Variants in ADAMTS18 observed in about 807,000 individuals in gnomAD.
ADAMTS18 encodes ADAM metallopeptidase with thrombospondin type 1 motif 18.
ADAMTS18 carries 157 observed loss-of-function variants against 165.9 expected under a neutral mutation model. The ratio of observed to expected loss-of-function variants is 0.95; its 90% CI spans 0.83 to 1.08. The LOEUF is 1.08. Among genes scored for constraint, ADAMTS18 ranks in the 50% least tolerant of loss-of-function variants. The pLI, the probability that ADAMTS18 is intolerant of heterozygous loss-of-function variation, is 0.00. For missense variants in ADAMTS18, 2,040 were observed against 1,534.0 expected (o/e 1.33, Z -5.51); for synonymous variants, 782 against 578.2 (o/e 1.35, Z -5.06).
rs1432111632 is a variant in ADAMTS18 at position 77,434,478 on chromosome 16, C to T, written c.118G>A (p.Ala40Thr). 1.3e-6 allele frequency: 2 copies of T among 1,569,202 alleles called. No individual in the cohort carries two copies. The highest frequency in any genetic ancestry group is 1.7e-6 in the Non-Finnish European group (2 of 1,162,252). The change falls in exon 2 of 23, where the codon GCG becomes ACG. Residue 40 changes from alanine to threonine, a missense_variant. Transcript: ENST00000282849. ...KALQLCCLCC[A>T]SVAAALASDS... ...CTGGCTAAGGCCGCGGCGACCGACG[C>T]ACAGCAGAGGCAGCACAGCTGGAGC...
At chr16:77,313,305 C>T (rs983966109) in intron 16 of ADAMTS18, among the ~76,000 whole-genome samples, 1 of 151,164 alleles carries the variant, frequency 6.6e-6, no homozygotes, top group African/African-American at 2.4e-5. Context: ...CGGGTGGGGG[C>T]AGGGGGGAAG....
intron 12 of ADAMTS18, among the ~76,000 whole-genome samples, chr16:77,334,779 G>GTATA (rs1567492028): frequency 1.0e-4 from 10 of 99,248 alleles, no homozygotes; most frequent in East Asian, 3.7e-4. Flanking sequence ...ATATACTATA[G>GTATA]TATACAGTAA....
intron 13 of ADAMTS18, among the ~76,000 whole-genome samples, 170 bp downstream of exon 13, chr16:77,325,696 A>T (rs1284806524): frequency 6.6e-6 from 1 of 151,544 alleles, no homozygotes; most frequent in Non-Finnish European, 1.5e-5. Flanking sequence ...AAAAAACAAC[A>T]GTGGAAAAAT....
At chr16:77,387,184 T>C (rs1049423695) in intron 3 of ADAMTS18, among the ~76,000 whole-genome samples, 8 of 152,218 alleles carry the variant, frequency 5.3e-5, no homozygotes, top group Non-Finnish European at 1.2e-4. Flanking sequence ...TTTTTCCTCC[T>C]GCTGTCATCG....
intron 3 of ADAMTS18, among the ~76,000 whole-genome samples, chr16:77,376,203 G>A (rs1019071581): frequency 3.1e-4 from 47 of 152,128 alleles, no homozygotes; most frequent in Admixed American, 2.7e-3. Context: ...GCACCCGGCC[G>A]CAGACACATC....
chr16:77,299,998 A>G (rs2055549621), intron 17 of ADAMTS18: 1 of 320,392 alleles, frequency 3.1e-6, no homozygotes, highest in Non-Finnish European at 5.8e-6. Context: ...ATAATTCAAT[A>G]TATTTTATAT....
chr16:77,429,651 CAT>C (rs1330066032), intron 3 of ADAMTS18, among the ~76,000 whole-genome samples: 6 of 152,106 alleles, frequency 3.9e-5, no homozygotes, highest in Admixed American at 1.3e-4. Context: ...TGATTCTACT[CAT>C]GTGAAATTTT....
At chr16:77,316,747 G>C (rs538290897) in intron 16 of ADAMTS18, among the ~76,000 whole-genome samples, 7 of 152,204 alleles carry the variant, frequency 4.6e-5, no homozygotes, top group African/African-American at 1.7e-4. Flanking sequence ...TCGGCTTATT[G>C]CAGCCTCTGC....
At chr16:77,328,928 GAAAC>G (rs2056140703) in intron 12 of ADAMTS18, among the ~76,000 whole-genome samples, 1 of 152,174 alleles carries the variant, frequency 6.6e-6, no homozygotes, top group Non-Finnish European at 1.5e-5. Flanking sequence ...CAGCTAGAAA[GAAAC>G]AGAGACGAGC....
intron 3 of ADAMTS18, among the ~76,000 whole-genome samples, chr16:77,418,459 G>C (rs992264278): frequency 6.6e-6 from 1 of 152,038 alleles, no homozygotes; most frequent in Non-Finnish European, 1.5e-5. Flanking sequence ...GAATCTAAAG[G>C]GTAGAGAGGC....
chr16:77,312,156 G>C (rs933780009), intron 16 of ADAMTS18, among the ~76,000 whole-genome samples: 6 of 152,166 alleles, frequency 3.9e-5, no homozygotes, highest in African/African-American at 1.4e-4. Flanking sequence ...CAAAGAGATA[G>C]ATTGATGAAC....
chr16:77,348,117 G>T (rs1476521133), intron 10 of ADAMTS18, among the ~76,000 whole-genome samples: 1 of 152,014 alleles, frequency 6.6e-6, no homozygotes, highest in Non-Finnish European at 1.5e-5. Flanking sequence ...AGGGCCTTTT[G>T]TTTTCCTGTA....
At position 77,282,223 on chromosome 16, in the gene ADAMTS18, A is replaced by G. The variant is rs2055159145; in HGVS notation, c.*1733T>C. On this transcript the variant is annotated 3_prime_UTR_variant, in exon 23 of 23. Coordinates refer to ENST00000282849, the MANE Select transcript of ADAMTS18 (RefSeq NM_199355.4). ...ACTTTTCTCTATAATCCATGGTTTT[A>G]TTCAACATTTTATCTCAAAATATTA... is the stretch of plus-strand genomic sequence containing the variant. 6.6e-6 allele frequency: 1 copy of G among 152,170 alleles called. No homozygotes were observed. The highest frequency in any genetic ancestry group is 1.5e-5 in the Non-Finnish European group (1 of 68,032). The allele number at this position is 152,170 out of a possible 1,614,324, so 9.4% of individuals were successfully genotyped here.
chr16:77,360,672 T>C (rs1305087769), intron 7 of ADAMTS18, among the ~76,000 whole-genome samples: 1 of 152,216 alleles, frequency 6.6e-6, no homozygotes, highest in Non-Finnish European at 1.5e-5. Flanking sequence ...AAAAACCCTT[T>C]CTATGGAACA....
intron 3 of ADAMTS18, among the ~76,000 whole-genome samples, chr16:77,409,055 CAT>C (rs2057428310): frequency 1.3e-5 from 2 of 151,764 alleles, no homozygotes; most frequent in Admixed American, 1.3e-4. Flanking sequence ...TATATACACA[CAT>C]ATATATAAAA....
intron 10 of ADAMTS18, among the ~76,000 whole-genome samples, chr16:77,344,388 G>A (rs1222068277): frequency 6.6e-6 from 1 of 151,910 alleles, no homozygotes; most frequent in Non-Finnish European, 1.5e-5. Context: ...AAAGCATGAG[G>A]CAGCCTCCCA....
intron 12 of ADAMTS18, among the ~76,000 whole-genome samples, chr16:77,326,778 T>C (rs1015051215): frequency 2.0e-5 from 3 of 152,248 alleles, no homozygotes; most frequent in African/African-American, 7.2e-5. Context: ...TACAGTTAAA[T>C]TGCGTCTCGC....
chr16:77,321,389 G>T (rs1451404721), intron 14 of ADAMTS18, among the ~76,000 whole-genome samples, 187 bp from the exon 15 acceptor site: 1 of 152,130 alleles, frequency 6.6e-6, no homozygotes, highest in African/African-American at 2.4e-5. Context: ...ATTATTAGAT[G>T]ACTGAGCAAG....
rs141760157 is a variant in ADAMTS18 at position 77,364,224 on chromosome 16, T to C, written c.936A>G (p.Gly312=). ...DKKMVEKHGK[G]NVTTYILTVM... ...CTGTGAGAATGTATGTGGTGACATT[T>C]CCCTTGCCATGCTTTTCCACCATTT... The change falls in exon 5 of 23, where the codon GGA becomes GGG. Residue 312 remains glycine (G), a synonymous_variant. Coordinates refer to ENST00000282849, the MANE Select transcript of ADAMTS18 (RefSeq NM_199355.4). 692 of 1,613,916 alleles carry C rather than the reference T, an allele frequency of 4.3e-4. No individual in the cohort carries two copies. The highest frequency in any genetic ancestry group is 5.7e-4 in the Non-Finnish European group (667 of 1,180,008).
Sources: gnomAD v4.1 joint callset for allele counts (sites outside exome capture counted in the v4.1 genomes callset) on GRCh38, gnomAD v4.1.1 for gene constraint, MANE v1.5 for transcripts, NCBI Gene and HGNC (gene_info 2026-07-23, HGNC 2026-07-21) for gene names.